RALYL: variants seen among roughly 807,000 people sequenced by gnomAD.
RALYL encodes the protein RALY RNA binding protein like.
RALYL carries 29 observed loss-of-function variants against 35.1 expected under a neutral mutation model. The observed-to-expected ratio is 0.83, with a 90% CI of 0.61 to 1.13. RALYL has a LOEUF of 1.13. Ranked by LOEUF, RALYL falls within the 50% of genes most tolerant of loss-of-function variation. The pLI is 0.00. For synonymous variants in RALYL, 120 were observed against 127.6 expected (o/e 0.94, Z 0.40); for missense variants, 359 against 360.4 (o/e 1.00, Z 0.03).
chr8:84,486,597 T>C (rs970576562), intron 1 of RALYL, among the ~76,000 whole-genome samples: 1 of 151,916 alleles, frequency 6.6e-6, no homozygotes. Context: ...ATAGTTTCTT[T>C]CATATCAAAT....
intron 2 of RALYL, among the ~76,000 whole-genome samples, chr8:84,650,578 G>T (rs1300367593): frequency 4.6e-5 from 7 of 151,994 alleles, no homozygotes; most frequent in Non-Finnish European, 1.5e-5. Context: ...AACAACAGGT[G>T]CTGGAGAGGA....
chr8:84,516,986 A>G (rs2058116370), intron 1 of RALYL, among the ~76,000 whole-genome samples: 1 of 152,182 alleles, frequency 6.6e-6, no homozygotes, highest in Non-Finnish European at 1.5e-5. Context: ...GAATTGGCCA[A>G]TCTCTGGAAT....
chr8:84,450,647 T>C (rs2049362885), intron 1 of RALYL, among the ~76,000 whole-genome samples: 1 of 152,034 alleles, frequency 6.6e-6, no homozygotes, highest in South Asian at 2.1e-4. Flanking sequence ...TTTGAAGACC[T>C]ATAAAAGAGC....
At chr8:84,449,082 T>G (rs2049161900) in intron 1 of RALYL, among the ~76,000 whole-genome samples, 1 of 151,154 alleles carries the variant, frequency 6.6e-6, no homozygotes, top group African/African-American at 2.4e-5. Context: ...TTTTTTGTTT[T>G]TTTTTTTTTT....
chr8:84,410,520 G>C (rs2043994084), intron 1 of RALYL, among the ~76,000 whole-genome samples: 1 of 151,600 alleles, frequency 6.6e-6, no homozygotes, highest in Non-Finnish European at 1.5e-5. Flanking sequence ...TCTTTTCTCT[G>C]CCTTATAATT....
At chr8:84,583,855 G>A (rs1811390145) in intron 2 of RALYL, among the ~76,000 whole-genome samples, 1 of 152,134 alleles carries the variant, frequency 6.6e-6, no homozygotes, top group South Asian at 2.1e-4. Flanking sequence ...CAGAGGCTTA[G>A]GAATAGTGAA....
chr8:84,589,741 T>C (rs569990080), intron 2 of RALYL, among the ~76,000 whole-genome samples: 25 of 152,272 alleles, frequency 1.6e-4, no homozygotes, highest in Non-Finnish European at 2.5e-4. Flanking sequence ...TAACTCTCTG[T>C]GTCACATTTT....
At chr8:84,812,388 T>C (rs1489181559) in intron 4 of RALYL, among the ~76,000 whole-genome samples, 1 of 152,164 alleles carries the variant, frequency 6.6e-6, no homozygotes, top group African/African-American at 2.4e-5. Flanking sequence ...TTTAATGCTC[T>C]ATTTTTGTGC....
intron 4 of RALYL, among the ~76,000 whole-genome samples, chr8:84,811,545 A>T (rs2134101392): frequency 6.6e-6 from 1 of 152,190 alleles, no homozygotes; most frequent in Non-Finnish European, 1.5e-5. Flanking sequence ...TGCTTCTTGT[A>T]TTTAGATGTC....
In RALYL at chr8:84,615,338, T is replaced by TG. The variant is rs566261754; in HGVS notation, c.256+85762dup. Among the ~76,000 whole-genome samples the TG allele has an allele frequency of 2.1e-3, 245 of 116,590 alleles. 5 individuals carry two copies. Among genetic ancestry groups the TG allele is most frequent in the African/African-American group, 0.012 (222 of 18,316 alleles). The allele number at this position is 116,590 out of a possible 152,430, so 76.5% of individuals were successfully genotyped here. ...TTTCCTGCTATCATGTTAAATACAT[T>TG]GAAAAAAAAAAAAACAGAACGTCCT... On this transcript the variant is annotated intron_variant, in intron 2 of 8. Transcript: ENST00000521268.
intron 3 of RALYL, among the ~76,000 whole-genome samples, chr8:84,787,927 CAG>C (rs547235131): frequency 3.3e-4 from 51 of 152,268 alleles, no homozygotes; most frequent in African/African-American, 1.2e-3. Flanking sequence ...AGCCCATTGT[CAG>C]ATGAGTAGAT....
chr8:84,407,825 A>G (rs1272695420), intron 1 of RALYL, among the ~76,000 whole-genome samples: 1 of 152,152 alleles, frequency 6.6e-6, no homozygotes. Flanking sequence ...TCTATGAAAC[A>G]GGCTTAGCAT....
intron 2 of RALYL, among the ~76,000 whole-genome samples, chr8:84,699,755 T>A (rs1226539344): frequency 6.6e-6 from 1 of 152,136 alleles, no homozygotes; most frequent in African/African-American, 2.4e-5. Context: ...CATATGTCTG[T>A]GAGGTAGTTT....
intron 2 of RALYL, among the ~76,000 whole-genome samples, chr8:84,618,488 T>C (rs867735172): frequency 0.025 from 3,625 of 147,042 alleles, 73 homozygotes; most frequent in South Asian, 0.071. Context: ...CTCTCTTTTT[T>C]TCTTTATTAG....
chr8:84,900,943 A>G (rs1004092976), intron 8 of RALYL, among the ~76,000 whole-genome samples: 1 of 152,174 alleles, frequency 6.6e-6, no homozygotes, highest in Non-Finnish European at 1.5e-5. Context: ...TGGGGTAACT[A>G]GTGGAAAAGT....
At chr8:84,337,618 T>A (rs1848047063) in intron 1 of RALYL, among the ~76,000 whole-genome samples, 1 of 152,140 alleles carries the variant, frequency 6.6e-6, no homozygotes, top group Non-Finnish European at 1.5e-5. Context: ...ATGTGACATG[T>A]TTTTTATTCA....
At chr8:84,722,293 G>T (rs536201691) in intron 2 of RALYL, among the ~76,000 whole-genome samples, 48 of 151,816 alleles carry the variant, frequency 3.2e-4, no homozygotes, top group Middle Eastern at 3.4e-3. Context: ...TAAAAAAAAA[G>T]ATAAAATTGT....
At chr8:84,908,511 G>T (rs1301865538) in intron 8 of RALYL, among the ~76,000 whole-genome samples, 1 of 152,026 alleles carries the variant, frequency 6.6e-6, no homozygotes, top group African/African-American at 2.4e-5. Flanking sequence ...CTTATCCATG[G>T]TGTTATAAAA....
chr8:84,683,697 T>C (rs558569455), intron 2 of RALYL, among the ~76,000 whole-genome samples: 17 of 152,192 alleles, frequency 1.1e-4, no homozygotes, highest in African/African-American at 3.9e-4. Flanking sequence ...GGTTTTGGTT[T>C]TGGTTTTGAA....
Sources: gnomAD v4.1 joint callset for allele counts (sites outside exome capture counted in the v4.1 genomes callset) on GRCh38, gnomAD v4.1.1 for gene constraint, MANE v1.5 for transcripts, NCBI Gene and HGNC (gene_info 2026-07-23, HGNC 2026-07-21) for gene names.